CHN2: variants seen among roughly 807,000 people sequenced by gnomAD.
The protein encoded by CHN2 is chimerin 2.
CHN2 carries 35 observed loss-of-function variants against 56.3 expected under a neutral mutation model. That is an observed-to-expected ratio of 0.62 (90% CI 0.47 to 0.82). The LOEUF is 0.82. CHN2 is among the 40% of genes least tolerant of loss of function. The pLI, the probability that CHN2 is intolerant of heterozygous loss-of-function variation, is 0.00. For synonymous variants in CHN2, 210 were observed against 212.8 expected (o/e 0.99, Z 0.12); for missense variants, 491 against 580.5 (o/e 0.85, Z 1.58).
intron 2 of CHN2, chr7:29,186,530 G>T (rs950693322): frequency 6.6e-6 from 1 of 151,818 alleles, no homozygotes; most frequent in Non-Finnish European, 1.5e-5. Context: ...AGCTGTGATC[G>T]TGTCACTGTA....
At chr7:29,293,857 A>AT (rs70980522) in intron 1 of CHN2, among the ~76,000 whole-genome samples, 7,025 of 78,434 alleles carry the variant, frequency 0.09, 1,591 homozygotes, top group African/African-American at 0.16. Context: ...GAGGCTGGGA[A>AT]TTTTTTTTTT....
intron 1 of CHN2, among the ~76,000 whole-genome samples, chr7:29,293,371 C>T (rs866542632): frequency 1.2e-4 from 15 of 122,206 alleles, no homozygotes; most frequent in African/African-American, 3.5e-4. Context: ...TGCCCCCCCC[C>T]CCCCCCATAT....
intron 6 of CHN2, among the ~76,000 whole-genome samples, chr7:29,436,392 A>T (rs1053317312): frequency 1.3e-5 from 2 of 152,198 alleles, no homozygotes; most frequent in African/African-American, 4.8e-5. Flanking sequence ...ATTGACTATT[A>T]TGCTTGAATA....
At chr7:29,329,487 T>C (rs1796059487) in intron 1 of CHN2, among the ~76,000 whole-genome samples, 1 of 151,762 alleles carries the variant, frequency 6.6e-6, no homozygotes, top group Non-Finnish European at 1.5e-5. Context: ...CTATCTTCTC[T>C]GGGCCTGTCT....
chr7:29,300,935 C>T (rs6964467), intron 1 of CHN2, among the ~76,000 whole-genome samples: 50,868 of 151,842 alleles, frequency 0.34, 8,785 homozygotes, highest in African/African-American at 0.4. Context: ...TGTGTTTATT[C>T]TTATATGTAT....
upstream of CHN2, among the ~76,000 whole-genome samples, chr7:29,191,026 C>G (rs1782824718): frequency 6.6e-6 from 1 of 151,898 alleles, no homozygotes; most frequent in Non-Finnish European, 1.5e-5. Flanking sequence ...CCTTGAACTT[C>G]TGGACTCAAG....
At chr7:29,407,025 C>T (rs1311637554) in intron 6 of CHN2, among the ~76,000 whole-genome samples, 1 of 152,168 alleles carries the variant, frequency 6.6e-6, no homozygotes, top group Non-Finnish European at 1.5e-5. Context: ...GGTGCCTCAG[C>T]ATCTCCCGCA....
chr7:29,408,681 A>C (rs1323885443), intron 6 of CHN2, among the ~76,000 whole-genome samples: 3 of 152,206 alleles, frequency 2.0e-5, no homozygotes, highest in Non-Finnish European at 4.4e-5. Flanking sequence ...AATTTAATGA[A>C]GGGGCAAGGA....
chr7:29,400,477 A>G lies in CHN2; in HGVS notation c.291-66A>G, dbSNP rs1802113127. 4 of 1,494,718 alleles carry G rather than the reference A, an allele frequency of 2.7e-6. No homozygotes were observed. In the South Asian group the frequency reaches 3.6e-5, roughly 14 times the overall value. 92.6% of individuals were successfully genotyped at this position (1,494,718 alleles called of 1,614,324 possible). On this transcript the variant is annotated intron_variant, in intron 5 of 12. Coordinates refer to ENST00000222792, the MANE Select transcript of CHN2 (RefSeq NM_004067.4). ...AAGTATTCAAAAAACGTTAGCTGCT[A>G]TTGTTATCATTCCACACTGTGCTTA... is the stretch of plus-strand genomic sequence containing the variant.
chr7:29,508,391 CTTGTTG>C (rs768847314), intron 11 of CHN2, among the ~76,000 whole-genome samples: 13 of 144,054 alleles, frequency 9.0e-5, no homozygotes, highest in African/African-American at 2.1e-4. Context: ...GAAGTTTTTG[CTTGTTG>C]TTGTTGTTGT....
chr7:29,277,879 A>G (rs1249378722), intron 1 of CHN2, among the ~76,000 whole-genome samples: 1 of 152,148 alleles, frequency 6.6e-6, no homozygotes, highest in African/African-American at 2.4e-5. Flanking sequence ...TCACAATGCC[A>G]GAGCTCCACA....
Position 29,252,576 on chromosome 7 carries a change from T to TA in CHN2, c.49+57586_49+57587insA, listed in dbSNP as rs1424304454. Among the ~76,000 whole-genome samples, 99 of 66,986 alleles carry TA rather than the reference T, an allele frequency of 1.5e-3. 3 individuals carry two copies. Among genetic ancestry groups the TA allele is most frequent in the African/African-American group, 6.9e-3 (68 of 9,792 alleles). The allele number at this position is 66,986 out of a possible 152,430, so 43.9% of individuals were successfully genotyped here. On this transcript the variant is annotated intron_variant, in intron 1 of 12. Coordinates refer to ENST00000222792, the MANE Select transcript of CHN2 (RefSeq NM_004067.4). Reference sequence around the variant, plus strand: ...TGCTGTTTGTCTAAAATTGCATTCTTTGTTTTTTTTTTTTTTTTTTTTTTT... The same window carrying TA: ...TGCTGTTTGTCTAAAATTGCATTCTTATGTTTTTTTTTTTTTTTTTTTTTTT...
At chr7:29,261,881 T>G (rs964331322) in intron 1 of CHN2, among the ~76,000 whole-genome samples, 4 of 152,172 alleles carry the variant, frequency 2.6e-5, no homozygotes, top group African/African-American at 9.7e-5. Flanking sequence ...ATAAAGTAAG[T>G]GGTGCACCAG....
At chr7:29,220,907 A>G (rs911637503) in intron 1 of CHN2, among the ~76,000 whole-genome samples, 2 of 152,194 alleles carry the variant, frequency 1.3e-5, no homozygotes, top group African/African-American at 4.8e-5. Context: ...AAGTTCAGGG[A>G]TATGTAAAAG....
At chr7:29,222,771 A>T (rs1785903819) in intron 1 of CHN2, among the ~76,000 whole-genome samples, 1 of 152,200 alleles carries the variant, frequency 6.6e-6, no homozygotes, top group African/African-American at 2.4e-5. Context: ...GTGGAAATAC[A>T]AAACACCAAG....
At chr7:29,494,267 C>A (rs1788988412) in intron 7 of CHN2, among the ~76,000 whole-genome samples, 1 of 151,720 alleles carries the variant, frequency 6.6e-6, no homozygotes, top group Non-Finnish European at 1.5e-5. Context: ...TTCTGTAGCC[C>A]TTTTTATACT....
chr7:29,262,812 C>T (rs1353921640), intron 1 of CHN2, among the ~76,000 whole-genome samples: 2 of 152,058 alleles, frequency 1.3e-5, no homozygotes, highest in African/African-American at 2.4e-5. Flanking sequence ...ATCAGGAAAA[C>T]CAGCTAATAT....
intron 1 of CHN2, chr7:29,213,190 C>T (rs918063767): frequency 4.8e-5 from 63 of 1,307,394 alleles, no homozygotes; most frequent in Middle Eastern, 2.6e-4. Context: ...AACTACTCCA[C>T]GAACACGCAA....
chr7:29,505,934 C>T (rs1427867767), intron 10 of CHN2, among the ~76,000 whole-genome samples: 3 of 152,300 alleles, frequency 2.0e-5, no homozygotes, highest in South Asian at 2.1e-4. Flanking sequence ...CATGGCATAT[C>T]TTCTATGCTT....
Sources: allele counts gnomAD v4.1 joint callset (sites outside exome capture counted in the v4.1 genomes callset), GRCh38; gene constraint gnomAD v4.1.1; transcripts MANE v1.5; gene names NCBI Gene and HGNC (gene_info 2026-07-23, HGNC 2026-07-21).